The following NUP210 variants were observed in gnomAD, a reference collection of about 807,000 sequenced individuals.
The protein encoded by NUP210 is nuclear pore membrane glycoprotein 210.
In NUP210, 151 loss-of-function variants were observed where a neutral mutation model predicts 196.0. The observed-to-expected ratio is 0.77, with a 90% CI of 0.67 to 0.88. The LOEUF is 0.88. NUP210 is among the 40% of genes least tolerant of loss of function. The pLI, the probability that NUP210 is intolerant of heterozygous loss-of-function variation, is 0.00. For synonymous variants in NUP210, 1,070 were observed against 1,052.7 expected, an observed-to-expected ratio of 1.02 and a Z score of -0.32; for missense variants, 2,314 against 2,493.7, an observed-to-expected ratio of 0.93 and a Z score of 1.53.
intron 14 of NUP210, among the ~76,000 whole-genome samples, chr3:13,362,194 T>C (rs889227731): frequency 6.6e-6 from 1 of 151,754 alleles, no homozygotes; most frequent in East Asian, 1.9e-4. Context: ...ATAAGAAAAA[T>C]ATTCCCTCCC....
intron 27 of NUP210, 80 bp from the exon 28 acceptor site, chr3:13,335,692 C>A: frequency 4.1e-6 from 6 of 1,475,292 alleles, no homozygotes; most frequent in Non-Finnish European, 5.6e-6. Context: ...GACAGTAGCC[C>A]CAGACCCCCC....
rs1700480585 is a variant in NUP210 at position 13,420,040 on chromosome 3, G to GT, written c.167+19_167+20insA. The GT allele has an allele frequency of 8.1e-7, 1 of 1,227,440 alleles. No individual in the cohort carries two copies. Among genetic ancestry groups the GT allele is most frequent in the Admixed American group, 3.8e-5 (1 of 26,654 alleles). The allele number at this position is 1,227,440 out of a possible 1,614,324, so 76.0% of individuals were successfully genotyped here. Reference sequence around the variant, plus strand: ...CCAGCCCGGCCCACGGCGCCCGCCCGGCCCGGCCGCGCGCCTCACCAGCGG... The same window carrying GT: ...CCAGCCCGGCCCACGGCGCCCGCCCGTGCCCGGCCGCGCGCCTCACCAGCGG... On this transcript the variant is annotated intron_variant, in intron 1 of 39. Transcript: ENST00000254508. The surrounding 1 kb of genome is among the most constrained non-coding windows in gnomAD (Gnocchi z 4.8).
Position 13,341,894 on chromosome 3 carries a change from G to A in NUP210, c.3093-11C>T. 1.9e-6 allele frequency: 3 copies of A among 1,614,166 alleles called. No individual in the cohort carries two copies. Among genetic ancestry groups the A allele is most frequent in the African/African-American group, 2.7e-5 (2 of 75,064 alleles). On this transcript the variant is annotated splice_polypyrimidine_tract_variant and intron_variant, in intron 22 of 39. Coordinates refer to ENST00000254508, the MANE Select transcript of NUP210 (RefSeq NM_024923.4). ...GCTTCATCAAGGGCCCTGAAACAGAGGGAAGGGCTGGGACTTCTCCAAGAC... is the reference window on the plus strand; with the variant it reads ...GCTTCATCAAGGGCCCTGAAACAGAAGGAAGGGCTGGGACTTCTCCAAGAC...
rs565077844 is a variant in NUP210, at chr3:13,389,879, C to T, written c.533+1332G>A. Among the ~76,000 whole-genome samples, 58 of 151,746 alleles carry T rather than the reference C, an allele frequency of 3.8e-4. 2 individuals carry two copies. Among genetic ancestry groups the T allele is most frequent in the Non-Finnish European group, 5.5e-4 (37 of 67,858 alleles). On this transcript the variant is annotated intron_variant, in intron 4 of 39. Transcript: ENST00000254508. ...ATGTTCCTGCCAAAGACACAACGTT[C>T]GGACCCTGGCCGTGAGGGAACAGCA...
At chr3:13,361,456 G>A (rs1194871437) in intron 14 of NUP210, among the ~76,000 whole-genome samples, 1 of 152,140 alleles carries the variant, frequency 6.6e-6, no homozygotes, top group African/African-American at 2.4e-5. Flanking sequence ...TATGTAACAG[G>A]GTGTCATTCC....
chr3:13,332,495 A>C, intron 28 of NUP210, 111 bp from the exon 29 acceptor site: 2 of 823,308 alleles, frequency 2.4e-6, no homozygotes, highest in Non-Finnish European at 2.0e-6. Flanking sequence ...AGAGGAGAAA[A>C]GCGGCTTTCT....
At chr3:13,376,256 G>C (rs1399442776) in intron 10 of NUP210, 35 bp downstream of exon 10, 1 of 1,610,944 alleles carries the variant, frequency 6.2e-7, no homozygotes, top group East Asian at 2.2e-5. Context: ...TGGCTTCATA[G>C]GACAAGGCAC....
At chr3:13,327,175 G>C in intron 32 of NUP210, 42 bp downstream of exon 32, 4 of 1,545,888 alleles carry the variant, frequency 2.6e-6, no homozygotes, top group Non-Finnish European at 3.5e-6. Flanking sequence ...CTTTGCAAGC[G>C]TCCGTGACTC....
At chr3:13,343,339 T>TGGGGGGGGG in intron 20 of NUP210, 36 bp from the exon 21 acceptor site, 1 of 282,520 alleles carries the variant, frequency 3.5e-6, no homozygotes, top group Non-Finnish European at 6.1e-6. Context: ...GGGTGGGTGG[T>TGGGGGGGGG]GGGTTACGCA....
chr3:13,389,050 T>A (rs1051495323), intron 4 of NUP210, among the ~76,000 whole-genome samples: 1 of 152,168 alleles, frequency 6.6e-6, no homozygotes, highest in African/African-American at 2.4e-5. Flanking sequence ...ACTTCAGGGA[T>A]CCTTCCCACG....
chr3:13,327,518 C>A, intron 31 of NUP210, 81 bp from the exon 32 acceptor site: 1 of 1,059,548 alleles, frequency 9.4e-7, no homozygotes, highest in Admixed American at 2.2e-5. Context: ...TAATCCATGT[C>A]CTCTGCTGAG....
intron 6 of NUP210, among the ~76,000 whole-genome samples, chr3:13,382,216 T>C (rs1699127482): frequency 6.6e-6 from 1 of 152,228 alleles, no homozygotes; most frequent in African/African-American, 2.4e-5. Context: ...ATCTAACAAC[T>C]TGATCACAGT....
At position 13,347,426 on chromosome 3, in the gene NUP210, A is replaced by G; in HGVS notation, c.2836-4123T>C. 2.7e-6 allele frequency: 2 copies of G among 729,650 alleles called. No homozygotes were observed. Among genetic ancestry groups the G allele is most frequent in the South Asian group, 6.2e-5 (1 of 16,198 alleles). The allele number at this position is 729,650 out of a possible 1,614,324, so 45.2% of individuals were successfully genotyped here. A position where few individuals can be genotyped will look rare whatever the true frequency, so the allele number is the denominator to read the frequency against. On this transcript the variant is annotated intron_variant, in intron 20 of 39. Coordinates refer to ENST00000254508, the MANE Select transcript of NUP210 (RefSeq NM_024923.4). The surrounding 1 kb of genome is among the most constrained non-coding windows in gnomAD (Gnocchi z 4.7). ...AGGAAAACTTAGGCTTAAATCGGAT[A>G]AACACTCCTATGTGCAAACCAGCCG...
chr3:13,377,220 C>G, intron 9 of NUP210, among the ~76,000 whole-genome samples: 1 of 152,170 alleles, frequency 6.6e-6, no homozygotes, highest in East Asian at 1.9e-4. Flanking sequence ...CAACCTCTGC[C>G]CTCCAGCCCA....
intron 20 of NUP210, among the ~76,000 whole-genome samples, chr3:13,346,441 G>A (rs1311061466): frequency 6.6e-6 from 1 of 152,230 alleles, no homozygotes; most frequent in Non-Finnish European, 1.5e-5. Context: ...CCCATGCCCA[G>A]GATGAATTTT....
intron 1 of NUP210, among the ~76,000 whole-genome samples, chr3:13,409,718 G>A (rs1477378412): frequency 1.3e-5 from 2 of 151,972 alleles, no homozygotes; most frequent in Admixed American, 6.6e-5. Flanking sequence ...TAGGGTACAC[G>A]GAGTTCAAAA....
At chr3:13,385,253 T>A (rs1253582253) in intron 6 of NUP210, among the ~76,000 whole-genome samples, 1 of 152,216 alleles carries the variant, frequency 6.6e-6, no homozygotes, top group Non-Finnish European at 1.5e-5. Flanking sequence ...GAAGTGTGTA[T>A]CTGCCTGCCT....
intron 12 of NUP210, 27 bp downstream of exon 12, chr3:13,373,691 G>T: frequency 6.2e-7 from 1 of 1,612,322 alleles, no homozygotes; most frequent in Non-Finnish European, 8.5e-7. Context: ...GAGCCTCCCA[G>T]GGGGTGTCTT....
In NUP210 at chr3:13,366,021, C is replaced by T. The variant is rs760524898; in HGVS notation, c.1857G>A (p.Thr619=). The T allele has an allele frequency of 4.3e-6, 7 of 1,614,064 alleles. No homozygotes were observed. The East Asian group carries it at 6.7e-5, about 15-fold the overall frequency. The part of the protein sequence containing the change: ...RVKAEAQGST[T]LLVSYRHGHV... ...GGCCGTGTCTGTAGCTCACAAGAAGCGTGGTAGAGCCCTGGGCCTCGGCCT... is the reference window on the plus strand; with the variant it reads ...GGCCGTGTCTGTAGCTCACAAGAAGTGTGGTAGAGCCCTGGGCCTCGGCCT... Residue 619 remains threonine (T), a synonymous_variant, in exon 14 of 40, where the codon ACG becomes ACA. Transcript: ENST00000254508.
Sources: gnomAD v4.1 joint callset for allele counts (sites outside exome capture counted in the v4.1 genomes callset) on GRCh38, gnomAD v4.1.1 for gene constraint, Gnocchi (gnomAD v3.1) non-coding constraint, MANE v1.5 for transcripts, NCBI Gene and HGNC (gene_info 2026-07-23, HGNC 2026-07-21) for gene names.